The following CRTC3 variants were observed in gnomAD, a reference collection of about 807,000 sequenced individuals.
The protein encoded by CRTC3 is CREB-regulated transcription coactivator 3.
CRTC3 carries 26 observed loss-of-function variants against 74.5 expected under a neutral mutation model. The ratio of observed to expected loss-of-function variants is 0.35; its 90% confidence interval spans 0.26 to 0.48. The LOEUF (loss-of-function observed/expected upper bound fraction) is 0.48, where lower values mean the gene tolerates loss of function less well. Ranked by LOEUF, CRTC3 falls within the 20% of genes least tolerant of loss-of-function variation. The pLI, the probability that CRTC3 is intolerant of heterozygous loss-of-function variation, is 0.99. For synonymous variants in CRTC3, 377 were observed against 325.8 expected, an observed-to-expected ratio of 1.16 and a Z score of -1.69; for missense variants, 760 against 787.3, an observed-to-expected ratio of 0.97 and a Z score of 0.41.
chr15:90,618,006 A>C, intron 8 of CRTC3, 38 bp downstream of exon 8: 1 of 1,364,518 alleles, frequency 7.3e-7, no homozygotes, highest in Admixed American at 1.7e-5. Flanking sequence ...GTTGTCACTG[A>C]ATGTTTGTAC....
rs1313375681 is a variant in CRTC3 at position 90,540,135 on chromosome 15, C to T, written c.229C>T (p.Gln77Ter). The T allele has an allele frequency of 6.3e-7, 1 of 1,591,148 alleles. No homozygotes were observed. The highest frequency in any genetic ancestry group is 2.2e-5 in the East Asian group (1 of 44,770). The change falls in exon 2 of 15, where the codon CAG becomes TAG. Residue 77 changes from glutamine to a stop codon, truncating the protein, a stop_gained and splice_region_variant. Coordinates refer to ENST00000268184, the MANE Select transcript of CRTC3 (RefSeq NM_022769.5). LOFTEE classifies it high-confidence loss of function. ...GCTGCGGAGCAGTGCGTCAGAGTTT[C>T]AGGTACCTCCAGATATGTACTTTCT... ...SQLRSSASEF[Q>*]PSFHQADNVR...
chr15:90,530,210 G>T lies in CRTC3; in HGVS notation c.132+7G>T. On this transcript the variant is annotated splice_region_variant and intron_variant, in intron 1 of 14. Coordinates refer to ENST00000268184, the MANE Select transcript of CRTC3 (RefSeq NM_022769.5). This position sits in a 1 kb window ranked among gnomAD's most constrained non-coding sequence, Gnocchi z 6.2. ...CGACCTCACCCTGTCGCGGGTGAGG[G>T]CCCGGGCCGGCGCGGGCGGGGGCGG... The T allele has an allele frequency of 8.6e-7, 1 of 1,167,120 alleles. No homozygotes were observed. The highest frequency in any genetic ancestry group is 1.1e-6 in the Non-Finnish European group (1 of 933,492). The allele number at this position is 1,167,120 out of a possible 1,614,324, so 72.3% of individuals were successfully genotyped here. A position where few individuals can be genotyped will look rare whatever the true frequency, so the allele number is the denominator to read the frequency against.
chr15:90,629,897 A>AT (rs369523128), intron 11 of CRTC3, among the ~76,000 whole-genome samples: 1 of 151,708 alleles, frequency 6.6e-6, no homozygotes, highest in Admixed American at 6.6e-5. Flanking sequence ...TAATTTTTTG[A>AT]TTTTTTTGTA....
chr15:90,537,852 A>G (rs1257228067), intron 1 of CRTC3, among the ~76,000 whole-genome samples: 1 of 152,202 alleles, frequency 6.6e-6, no homozygotes, highest in African/African-American at 2.4e-5. Flanking sequence ...TAGTTAGTAG[A>G]GACGGGGTTT....
chr15:90,603,572 T>C (rs926069614), intron 4 of CRTC3, among the ~76,000 whole-genome samples: 1 of 152,248 alleles, frequency 6.6e-6, no homozygotes, highest in Non-Finnish European at 1.5e-5. Flanking sequence ...AGTATTTTTG[T>C]ACCCAATACA....
Position 90,551,944 on chromosome 15 carries a change from GCA to G in CRTC3, c.231+11830_231+11831del, listed in dbSNP as rs5814439. Among the ~76,000 whole-genome samples, 346 of 129,238 alleles carry G rather than the reference GCA, an allele frequency of 2.7e-3. 5 individuals are homozygous for G. Among genetic ancestry groups the G allele is most frequent in the East Asian group, 7.6e-3 (37 of 4,852 alleles). The allele number at this position is 129,238 out of a possible 152,430, so 84.8% of individuals were successfully genotyped here. On this transcript the variant is annotated intron_variant, in intron 2 of 14. Transcript: ENST00000268184. ...ATTACACACACGCACACACACACAC[GCA>G]CACACACACACACACACACACAAAT... is the stretch of plus-strand genomic sequence containing the variant.
At chr15:90,567,099 T>A (rs8042497) in intron 2 of CRTC3, among the ~76,000 whole-genome samples, 132,444 of 152,082 alleles carry the variant, frequency 0.87, 58,132 homozygotes, top group African/African-American at 0.97. Flanking sequence ...CAAAGGACAC[T>A]TCGATTCTGT....
Position 90,530,421 on chromosome 15 carries a change from G to C in CRTC3, c.132+218G>C, listed in dbSNP as rs1484588103. 3 of 160,494 alleles carry C rather than the reference G, an allele frequency of 1.9e-5. No homozygotes were observed. The highest frequency in any genetic ancestry group is 7.2e-5 in the African/African-American group (3 of 41,568). The allele number at this position is 160,494 out of a possible 1,614,324, so 9.9% of individuals were successfully genotyped here. ...CGCGATCCCGGGCTGAGGTGGGAGG[G>C]TCGCCCGGCCCCGTGTGCGGGAAGA... On this transcript the variant is annotated intron_variant, in intron 1 of 14. Transcript: ENST00000268184. The surrounding 1 kb of genome is among the most constrained non-coding windows in gnomAD (Gnocchi z 6.2).
At chr15:90,623,860 T>A (rs1968735027) in intron 9 of CRTC3, among the ~76,000 whole-genome samples, 1 of 152,142 alleles carries the variant, frequency 6.6e-6, no homozygotes, top group Non-Finnish European at 1.5e-5. Context: ...ATCCTCACAG[T>A]TCTGAGGGCA....
intron 3 of CRTC3, chr15:90,598,930 C>T (rs1353574838): frequency 1.1e-5 from 2 of 174,988 alleles, no homozygotes; most frequent in Non-Finnish European, 2.4e-5. Context: ...CCCGGAGGCT[C>T]CCGCCACCCC....
At chr15:90,556,640 G>A (rs893429425) in intron 2 of CRTC3, among the ~76,000 whole-genome samples, 7 of 152,004 alleles carry the variant, frequency 4.6e-5, no homozygotes, top group Admixed American at 6.6e-5. Flanking sequence ...TGTGTAATAC[G>A]TCTTATATAT....
In CRTC3 at chr15:90,643,415, G is replaced by A. The variant is rs566950240; in HGVS notation, c.*1275G>A. ...ATTCTCCTTGGGCTGTGCTCCACGCGGGTGGGTGGGAGCTGTCTTCTGAGT... is the reference window on the plus strand; with the variant it reads ...ATTCTCCTTGGGCTGTGCTCCACGCAGGTGGGTGGGAGCTGTCTTCTGAGT... On this transcript the variant is annotated 3_prime_UTR_variant, in exon 15 of 15. Coordinates refer to ENST00000268184, the MANE Select transcript of CRTC3 (RefSeq NM_022769.5). The A allele has an allele frequency of 1.3e-5, 3 of 229,028 alleles. No individual in the cohort carries two copies. Among genetic ancestry groups the A allele is most frequent in the Non-Finnish European group, 2.6e-5 (3 of 115,454 alleles). 14.2% of individuals were successfully genotyped at this position (229,028 alleles called of 1,614,324 possible). A position where few individuals can be genotyped will look rare whatever the true frequency, so the allele number is the denominator to read the frequency against.
intron 2 of CRTC3, among the ~76,000 whole-genome samples, chr15:90,577,350 A>G (rs1967430921): frequency 6.6e-6 from 1 of 152,202 alleles, no homozygotes; most frequent in Admixed American, 6.5e-5. Context: ...GAAGTTGGCC[A>G]AATCAGTCTG....
chr15:90,626,765 C>T (rs8028663), intron 10 of CRTC3, among the ~76,000 whole-genome samples: 184 of 152,290 alleles, frequency 1.2e-3, no homozygotes, highest in African/African-American at 4.3e-3. Context: ...GCATGTGCCA[C>T]GATGCCGAGC....
intron 6 of CRTC3, among the ~76,000 whole-genome samples, chr15:90,613,185 GAAAAAAAA>G (rs34111646): frequency 4.4e-5 from 5 of 114,172 alleles, no homozygotes; most frequent in Admixed American, 1.9e-4. Flanking sequence ...TCTGTCTCGG[GAAAAAAAA>G]AAAAAAAAAA....
At chr15:90,537,427 A>C (rs942256951) in intron 1 of CRTC3, among the ~76,000 whole-genome samples, 1 of 152,212 alleles carries the variant, frequency 6.6e-6, no homozygotes, top group Admixed American at 6.5e-5. Flanking sequence ...TCTGTCGCCC[A>C]GGCTGGAGTG....
At chr15:90,614,424 T>G in intron 6 of CRTC3, 29 bp from the exon 7 acceptor site, 1 of 1,559,188 alleles carries the variant, frequency 6.4e-7, no homozygotes, top group South Asian at 1.1e-5. Flanking sequence ...TAAAAGTGTT[T>G]TCTTTTTTTC....
rs964506615 is a variant in CRTC3 at position 90,613,163 on chromosome 15, A to G, written c.578-1290A>G. On this transcript the variant is annotated intron_variant, in intron 6 of 14. Coordinates refer to ENST00000268184, the MANE Select transcript of CRTC3 (RefSeq NM_022769.5). ...ACGCCACCGCACTCCAGCCTGGGCA[A>G]CAAAGTGAGACTCTGTCTCGGGAAA... Among the ~76,000 whole-genome samples, 56 of 142,014 alleles carry G rather than the reference A, an allele frequency of 3.9e-4. 1 individual carries two copies. The highest frequency in any genetic ancestry group is 1.3e-3 in the African/African-American group (50 of 37,802). The allele number at this position is 142,014 out of a possible 152,430, so 93.2% of individuals were successfully genotyped here.
intron 9 of CRTC3, among the ~76,000 whole-genome samples, chr15:90,621,659 T>A (rs921059651): frequency 6.6e-6 from 1 of 152,116 alleles, no homozygotes; most frequent in Non-Finnish European, 1.5e-5. Context: ...CCTTGCTATG[T>A]TGGCCAGGTT....
Sources: allele counts gnomAD v4.1 joint callset (sites outside exome capture counted in the v4.1 genomes callset), GRCh38; gene constraint gnomAD v4.1.1; non-coding constraint Gnocchi (gnomAD v3.1); transcripts MANE v1.5; gene names NCBI Gene and HGNC (gene_info 2026-07-23, HGNC 2026-07-21).